The following MYO9B variants were observed in gnomAD, a reference collection of about 807,000 sequenced individuals.
MYO9B encodes the protein myosin IXB, also known as unconventional myosin-IXb.
Under a neutral mutation model 229.5 loss-of-function variants are expected in MYO9B, and 71 were observed. That is an observed-to-expected ratio of 0.31 (90% CI 0.26 to 0.38). The LOEUF (loss-of-function observed/expected upper bound fraction) is 0.38, where lower values mean the gene tolerates loss of function less well. Ranked by LOEUF, MYO9B falls within the 10% of genes least tolerant of loss-of-function variation. The pLI is 1.00. For missense variants in MYO9B, 2,255 were observed against 2,920.5 expected, an observed-to-expected ratio of 0.77 and a Z score of 5.25; for synonymous variants, 1,185 against 1,235.8, an observed-to-expected ratio of 0.96 and a Z score of 0.86.
chr19:17,142,786 C>T (rs1168418070), intron 2 of MYO9B, among the ~76,000 whole-genome samples: 1 of 152,100 alleles, frequency 6.6e-6, no homozygotes, highest in Non-Finnish European at 1.5e-5. Flanking sequence ...TTCCTTGTTT[C>T]ACCATTTACA....
At chr19:17,096,798 C>A (rs552653415) in intron 1 of MYO9B, among the ~76,000 whole-genome samples, 1 of 149,980 alleles carries the variant, frequency 6.7e-6, no homozygotes, top group Non-Finnish European at 1.5e-5. Flanking sequence ...CTCCGCCTTC[C>A]GGGTTCACGC....
chr19:17,164,638 T>A (rs1368868469), intron 10 of MYO9B, among the ~76,000 whole-genome samples: 2 of 152,192 alleles, frequency 1.3e-5, no homozygotes, highest in Non-Finnish European at 2.9e-5. Context: ...CACCTTGGCC[T>A]TCCAAAGTGC....
intron 6 of MYO9B, among the ~76,000 whole-genome samples, 170 bp downstream of exon 6, chr19:17,154,585 G>A (rs1054620846): frequency 3.3e-5 from 5 of 152,154 alleles, no homozygotes; most frequent in African/African-American, 1.2e-4. Flanking sequence ...ACATGAGAAG[G>A]GGCTCAAGAC....
chr19:17,184,753 G>A, intron 16 of MYO9B, 112 bp from the exon 17 acceptor site: 1 of 1,418,402 alleles, frequency 7.1e-7, no homozygotes, highest in South Asian at 1.3e-5. Context: ...CTGCTGCCCG[G>A]GCACTCGCTG....
intron 37 of MYO9B, 21 bp downstream of exon 37, chr19:17,210,401 C>A (rs1158279367): frequency 6.3e-7 from 1 of 1,575,670 alleles, no homozygotes; most frequent in Non-Finnish European, 8.6e-7. Context: ...GTTCGGTGGG[C>A]CCGCGGTGCA....
chr19:17,194,476 T>A, intron 21 of MYO9B, 80 bp from the exon 22 acceptor site: 1 of 1,504,514 alleles, frequency 6.6e-7, no homozygotes, highest in South Asian at 1.2e-5. Context: ...GCCCGCAGGC[T>A]GGGGGTCCCA....
chr19:17,210,719 A>G lies in MYO9B; in HGVS notation c.5801A>G (p.Lys1934Arg). The change falls in exon 38 of 40, where the codon AAG becomes AGG. Residue 1934 changes from lysine (K) to arginine (R), a missense_variant. Coordinates refer to ENST00000682292, the MANE Select transcript of MYO9B (RefSeq NM_004145.4). The part of the protein sequence containing the change: ...FSSPYEGVLN[K>R]SPKTRDIQEE... ...CCCCTTGCTTCTTTGTTTCAGAACA[A>G]GAGCCCCAAGACCCGGGACATCCAG... The G allele has an allele frequency of 6.5e-7, 1 of 1,543,922 alleles. No homozygotes were observed. Among genetic ancestry groups the G allele is most frequent in the South Asian group, 1.2e-5 (1 of 82,844 alleles).
In MYO9B at chr19:17,206,170, G is replaced by A. The variant is rs748164259; in HGVS notation, c.5257+18G>A. ...GCAGACAGGTGGGCGCTGTGGGCAG[G>A]TGGGTGCAGTGCCAGGCCCCAGGCA... On this transcript the variant is annotated intron_variant, in intron 32 of 39. Transcript: ENST00000682292. 24 of 1,609,076 alleles carry A rather than the reference G, an allele frequency of 1.5e-5. No individual in the cohort carries two copies. The highest frequency in any genetic ancestry group is 2.7e-5 in the African/African-American group (2 of 74,882).
intron 10 of MYO9B, among the ~76,000 whole-genome samples, chr19:17,166,023 C>A (rs1162394006): frequency 6.6e-6 from 1 of 152,054 alleles, no homozygotes; most frequent in Admixed American, 6.6e-5. Flanking sequence ...AGTTTGCCAA[C>A]CTCTAAATGA....
chr19:17,118,340 G>A (rs1028247881), intron 2 of MYO9B, among the ~76,000 whole-genome samples: 2 of 151,920 alleles, frequency 1.3e-5, no homozygotes, highest in South Asian at 2.1e-4. Flanking sequence ...CATGGCTCAC[G>A]CCTGTAATCC....
intron 1 of MYO9B, among the ~76,000 whole-genome samples, chr19:17,084,036 T>C (rs1230009711): frequency 9.8e-6 from 1 of 102,410 alleles, no homozygotes; most frequent in Non-Finnish European, 2.5e-5. Flanking sequence ...TTAATAACCC[T>C]TTGGGTTAAT....
Position 17,211,712 on chromosome 19 carries a change from C to T in MYO9B, c.5996C>T (p.Ser1999Leu), listed in dbSNP as rs752475898. ...GGCTCGGACGAGGAGAACCTGGACTCGGAGACGTCGGCCAGCACCGAGAGC... is the reference window on the plus strand; with the variant it reads ...GGCTCGGACGAGGAGAACCTGGACTTGGAGACGTCGGCCAGCACCGAGAGC... The part of the protein sequence containing the change: ...PRGSDEENLD[S>L]ETSASTESLL... Residue 1999 changes from serine (S) to leucine (L), a missense_variant, in exon 39 of 40, where the codon TCG becomes TTG. Physicochemically the swap from Ser to Leu is moderately radical, Grantham distance 145. This residue lies in a region of MYO9B where 331 missense variants were observed against 332.5 expected (regional missense o/e 1.00). Coordinates refer to ENST00000682292, the MANE Select transcript of MYO9B (RefSeq NM_004145.4). The T allele has an allele frequency of 2.2e-5, 36 of 1,612,306 alleles. 1 individual carries two copies. The South Asian group carries it at 2.3e-4, about 10-fold the overall frequency.
Position 17,151,373 on chromosome 19 carries a change from T to A in MYO9B, c.936-1271T>A, listed in dbSNP as rs527982685. Among the ~76,000 whole-genome samples the A allele has an allele frequency of 3.3e-5, 5 of 151,918 alleles. 1 individual carries two copies. The South Asian group carries it at 1.0e-3, about 32-fold the overall frequency. ...TATTGCTGGGTATCACAGACCCCTG[T>A]GCTTCCAAGGACACTGTGACAAAAT... On this transcript the variant is annotated intron_variant, in intron 3 of 39. Coordinates refer to ENST00000682292, the MANE Select transcript of MYO9B (RefSeq NM_004145.4).
At chr19:17,148,356 G>T (rs2072439047) in intron 3 of MYO9B, among the ~76,000 whole-genome samples, 1 of 152,190 alleles carries the variant, frequency 6.6e-6, no homozygotes, top group Admixed American at 6.5e-5. Context: ...AGGAGGGACT[G>T]CCATAACAGT....
intron 3 of MYO9B, among the ~76,000 whole-genome samples, chr19:17,152,081 G>A (rs1243815410): frequency 6.6e-6 from 1 of 151,982 alleles, no homozygotes; most frequent in Non-Finnish European, 1.5e-5. Context: ...CAGCTACTCA[G>A]GAGGCTGAGG....
rs1350681206 is a variant in MYO9B, at chr19:17,183,785, CTG to C, written c.2334-40_2334-39del. ...TGCTGAACTAACCCAAATCCCGACA[CTG>C]TGTTCCTTTTGTTCACAAAACCATT... On this transcript the variant is annotated intron_variant, in intron 15 of 39. Coordinates refer to ENST00000682292, the MANE Select transcript of MYO9B (RefSeq NM_004145.4). 6 of 1,514,532 alleles carry C rather than the reference CTG, an allele frequency of 4.0e-6. No homozygotes were observed. The African/African-American group carries it at 7.0e-5, about 18-fold the overall frequency. 93.8% of individuals were successfully genotyped at this position (1,514,532 alleles called of 1,614,324 possible). A position where few individuals can be genotyped will look rare whatever the true frequency, so the allele number is the denominator to read the frequency against.
rs763437029 is a variant in MYO9B at position 17,172,296 on chromosome 19, C to T, written c.1794-40C>T. On this transcript the variant is annotated intron_variant, in intron 11 of 39. Coordinates refer to ENST00000682292, the MANE Select transcript of MYO9B (RefSeq NM_004145.4). The surrounding 1 kb of genome is among the most constrained non-coding windows in gnomAD (Gnocchi z 8.2). ...TAAAATACACAGCAGGTAAATCAGC[C>T]GCTGTTCATGCCTGCAAAGGTTCCA... The T allele has an allele frequency of 4.0e-5, 64 of 1,610,678 alleles. No individual in the cohort carries two copies. The highest frequency in any genetic ancestry group is 9.9e-5 in the South Asian group (9 of 90,830).
chr19:17,101,563 T>C lies in MYO9B; in HGVS notation c.-58-97T>C. The C allele has an allele frequency of 8.2e-7, 1 of 1,226,754 alleles. No homozygotes were observed. The highest frequency in any genetic ancestry group is 1.1e-6 in the Non-Finnish European group (1 of 912,578). The allele number at this position is 1,226,754 out of a possible 1,614,324, so 76.0% of individuals were successfully genotyped here. On this transcript the variant is annotated intron_variant, in intron 1 of 39. Coordinates refer to ENST00000682292, the MANE Select transcript of MYO9B (RefSeq NM_004145.4). The surrounding 1 kb of genome is among the most constrained non-coding windows in gnomAD (Gnocchi z 4.7). ...CCTAGTCGGGTGGGGAACTCCAGCATCGGGTCAGGTGCTATCTGCCCAGGA... is the reference window on the plus strand; with the variant it reads ...CCTAGTCGGGTGGGGAACTCCAGCACCGGGTCAGGTGCTATCTGCCCAGGA...
rs113685781 is a variant in MYO9B, at chr19:17,144,926, C to T, written c.841-471C>T. 2.4e-3 allele frequency among the ~76,000 whole-genome samples: 354 copies of T among 147,418 alleles called. 1 individual carries two copies. The highest frequency in any genetic ancestry group is 8.3e-3 in the African/African-American group (333 of 40,086). On this transcript the variant is annotated intron_variant, in intron 2 of 39. Transcript: ENST00000682292. ...CAGTGCTTGCAGTGAGCTGAGATTG[C>T]GCCCCTGCACTCCAGCCAAGGCAAC...
Sources: gnomAD v4.1 joint callset for allele counts (sites outside exome capture counted in the v4.1 genomes callset) on GRCh38, gnomAD v4.1.1 for gene constraint, gnomAD v4.1.1 regional missense constraint, Gnocchi (gnomAD v3.1) non-coding constraint, MANE v1.5 for transcripts, NCBI Gene and HGNC (gene_info 2026-07-23, HGNC 2026-07-21) for gene names.